Variants in DNM3 observed in about 807,000 individuals in gnomAD.
The protein encoded by DNM3 is dynamin 3, also known as dynamin-3.
DNM3 carries 47 observed loss-of-function variants against 101.6 expected under a neutral mutation model. The observed-to-expected ratio is 0.46, with a 90% CI of 0.37 to 0.59. The LOEUF (loss-of-function observed/expected upper bound fraction) is 0.59, where lower values mean the gene tolerates loss of function less well. DNM3 is among the 20% of genes least tolerant of loss of function. The pLI, the probability that DNM3 is intolerant of heterozygous loss-of-function variation, is 0.00. For missense variants in DNM3, 849 were observed against 1,085.7 expected (o/e 0.78, Z 3.06); for synonymous variants, 385 against 387.9 (o/e 0.99, Z 0.09).
chr1:172,259,029 T>G (rs1180113746), intron 15 of DNM3, among the ~76,000 whole-genome samples: 2 of 152,236 alleles, frequency 1.3e-5, no homozygotes, highest in Middle Eastern at 3.4e-3. Context: ...GAGCATATTT[T>G]TCACTTTCCA....
intron 1 of DNM3, among the ~76,000 whole-genome samples, chr1:171,894,808 T>G (rs987192739): frequency 1.9e-4 from 5 of 26,150 alleles, no homozygotes; most frequent in African/African-American, 8.0e-4. Flanking sequence ...CGTTGTTCAA[T>G]TTCCCACCTA....
chr1:172,145,792 T>C (rs1350918029), intron 14 of DNM3, among the ~76,000 whole-genome samples: 1 of 152,202 alleles, frequency 6.6e-6, no homozygotes, highest in Non-Finnish European at 1.5e-5. Context: ...TTGATACTTT[T>C]GTTTTGTTTT....
At chr1:172,246,193 A>G (rs2061946932) in intron 14 of DNM3, among the ~76,000 whole-genome samples, 1 of 151,436 alleles carries the variant, frequency 6.6e-6, no homozygotes, top group South Asian at 2.1e-4. Flanking sequence ...GGGAATTACA[A>G]CTAGAGATGA....
At position 171,857,889 on chromosome 1, in the gene DNM3, C is replaced by T. The variant is rs565168794; in HGVS notation, c.161+16072C>T. ...GCCCTGATCAAATAGGATTAGTGTC[C>T]TTATAAAAAGAGGCACTGGAGAGCT... On this transcript the variant is annotated intron_variant, in intron 1 of 20. Transcript: ENST00000627582. 1.8e-4 allele frequency among the ~76,000 whole-genome samples: 27 copies of T among 152,030 alleles called. No homozygotes were observed. In the South Asian group the frequency reaches 5.6e-3, roughly 32 times the overall value.
chr1:172,300,649 TA>T (rs1174367597), intron 15 of DNM3, among the ~76,000 whole-genome samples: 2 of 152,240 alleles, frequency 1.3e-5, no homozygotes, highest in East Asian at 1.9e-4. Flanking sequence ...TATCACCTTA[TA>T]AAAAAATTAA....
At chr1:172,172,420 T>C (rs2058996131) in intron 14 of DNM3, among the ~76,000 whole-genome samples, 1 of 151,780 alleles carries the variant, frequency 6.6e-6, no homozygotes, top group African/African-American at 2.4e-5. Flanking sequence ...ACAGCATGGA[T>C]ACGTCGGACA....
intron 15 of DNM3, among the ~76,000 whole-genome samples, chr1:172,265,950 T>A (rs963967949): frequency 1.3e-5 from 2 of 152,206 alleles, no homozygotes; most frequent in Non-Finnish European, 2.9e-5. Flanking sequence ...AGGATATGGT[T>A]TATCAATATT....
At chr1:172,032,902 C>G (rs774698814) in intron 5 of DNM3, among the ~76,000 whole-genome samples, 1 of 152,098 alleles carries the variant, frequency 6.6e-6, no homozygotes, top group Non-Finnish European at 1.5e-5. Context: ...CATTATTGTA[C>G]TGATGCTAAA....
chr1:171,987,271 G>A (rs2045331093), intron 2 of DNM3: 1 of 983,750 alleles, frequency 1.0e-6, no homozygotes, highest in Non-Finnish European at 1.2e-6. Flanking sequence ...CTGATGAAAT[G>A]GTGATACTGA....
In DNM3 at chr1:172,046,418, G is replaced by A. The variant is rs143533652; in HGVS notation, c.1196+1966G>A. Among the ~76,000 whole-genome samples the A allele has an allele frequency of 2.0e-5, 3 of 152,196 alleles. No individual in the cohort carries two copies. The East Asian group carries it at 5.8e-4, about 29-fold the overall frequency. ...TGGGGACTGTTGTTGGGTGGGAGTA[G>A]GGGGGAGGGATAGCATTAGGAGATA... is the stretch of plus-strand genomic sequence containing the variant. On this transcript the variant is annotated intron_variant, in intron 9 of 20. Coordinates refer to ENST00000627582, the MANE Select transcript of DNM3 (RefSeq NM_015569.5).
At chr1:171,926,607 C>G (rs940192044) in intron 2 of DNM3, among the ~76,000 whole-genome samples, 1 of 152,144 alleles carries the variant, frequency 6.6e-6, no homozygotes, top group Non-Finnish European at 1.5e-5. Flanking sequence ...AGCATACTCT[C>G]TTAATTACCC....
chr1:172,314,985 AC>A (rs2065258878), intron 16 of DNM3, among the ~76,000 whole-genome samples: 2 of 151,872 alleles, frequency 1.3e-5, no homozygotes, highest in East Asian at 1.9e-4. Context: ...ACTGGGAGGC[AC>A]CCCCCAGTAG....
chr1:171,987,171 C>G, intron 2 of DNM3: 5 of 319,328 alleles, frequency 1.6e-5, no homozygotes, highest in Non-Finnish European at 2.3e-5. Context: ...CTAAAGGATT[C>G]CATATATTAT....
chr1:172,121,537 G>A (rs942914117), intron 13 of DNM3, among the ~76,000 whole-genome samples: 1 of 152,234 alleles, frequency 6.6e-6, no homozygotes, highest in African/African-American at 2.4e-5. Flanking sequence ...GGTTTCTGGT[G>A]CTTTTGCAGG....
chr1:172,132,739 G>A (rs893419248), intron 14 of DNM3: 4 of 564,108 alleles, frequency 7.1e-6, no homozygotes, highest in Non-Finnish European at 9.4e-6. Flanking sequence ...TCATAACAGT[G>A]ATGGCTAGTG....
intron 13 of DNM3, among the ~76,000 whole-genome samples, chr1:172,096,067 T>A (rs910686432): frequency 6.6e-6 from 1 of 152,128 alleles, no homozygotes; most frequent in Non-Finnish European, 1.5e-5. Flanking sequence ...CAAACTGAAG[T>A]CCACTTCCTT....
intron 14 of DNM3, among the ~76,000 whole-genome samples, chr1:172,132,304 T>C (rs1226231164): frequency 2.6e-5 from 4 of 152,200 alleles, no homozygotes; most frequent in African/African-American, 9.6e-5. Flanking sequence ...CTGTGTGTAA[T>C]AGTGTGTTGA....
At chr1:172,222,963 A>G (rs1416559762) in intron 14 of DNM3, among the ~76,000 whole-genome samples, 1 of 152,132 alleles carries the variant, frequency 6.6e-6, no homozygotes, top group Non-Finnish European at 1.5e-5. Context: ...TACACATAGT[A>G]GTTGTATATA....
At chr1:171,991,280 G>T (rs1019531477) in intron 4 of DNM3, among the ~76,000 whole-genome samples, 1 of 152,092 alleles carries the variant, frequency 6.6e-6, no homozygotes, top group African/African-American at 2.4e-5. Flanking sequence ...CACACTGATT[G>T]AGGGTTCAGT....
Sources: allele counts gnomAD v4.1 joint callset (sites outside exome capture counted in the v4.1 genomes callset), GRCh38; gene constraint gnomAD v4.1.1; transcripts MANE v1.5; gene names NCBI Gene and HGNC (gene_info 2026-07-23, HGNC 2026-07-21).